NEMP1: variants seen among roughly 807,000 people sequenced by gnomAD.
NEMP1 encodes transmembrane protein 194.
Under a neutral mutation model 53.7 loss-of-function variants are expected in NEMP1, and 29 were observed. The observed-to-expected ratio is 0.54, with a 90% CI of 0.40 to 0.74. NEMP1 has a LOEUF of 0.74. Among genes scored for constraint, NEMP1 ranks in the 30% least tolerant of loss-of-function variants. The pLI, the probability that NEMP1 is intolerant of heterozygous loss-of-function variation, is 0.00. For missense variants in NEMP1, 477 were observed against 528.6 expected (o/e 0.90, Z 0.96); for synonymous variants, 193 against 192.9 (o/e 1.00, Z 0.00).
intron 1 of NEMP1, among the ~76,000 whole-genome samples, chr12:57,075,924 G>A (rs1258743004): frequency 1.3e-5 from 2 of 151,030 alleles, no homozygotes; most frequent in Non-Finnish European, 2.9e-5. Context: ...CCAACATGGC[G>A]AAATCCCACT....
chr12:57,075,850 C>G (rs1231510861), intron 1 of NEMP1, among the ~76,000 whole-genome samples: 1 of 151,740 alleles, frequency 6.6e-6, no homozygotes, highest in Non-Finnish European at 1.5e-5. Flanking sequence ...CACCTGTAAT[C>G]CCAGCACTTT....
intron 1 of NEMP1, among the ~76,000 whole-genome samples, chr12:57,076,951 G>A (rs1347491398): frequency 1.3e-5 from 2 of 149,532 alleles, no homozygotes; most frequent in African/African-American, 2.5e-5. Flanking sequence ...TACATTCTGC[G>A]GGGCGGGGCG....
rs557004117 is a variant in NEMP1 at position 57,064,842 on chromosome 12, A to G, written c.546-103T>C. ...CAGCCGAAAGATTTTAAAAGGTACA[A>G]GATTAGAGCAGTACAAGCATCAGAG... On this transcript the variant is annotated intron_variant, in intron 4 of 8. Transcript: ENST00000300128. 2.6e-5 allele frequency: 21 copies of G among 810,678 alleles called. No homozygotes were observed. The African/African-American group carries it at 3.6e-4, about 14-fold the overall frequency. 50.2% of individuals were successfully genotyped at this position (810,678 alleles called of 1,614,324 possible).
rs753618647 is a variant in NEMP1, at chr12:57,060,790, C to T, written c.1136G>A (p.Arg379Gln). 2.5e-6 allele frequency: 4 copies of T among 1,611,764 alleles called. No individual in the cohort carries two copies. Among genetic ancestry groups the T allele is most frequent in the African/African-American group, 2.7e-5 (2 of 74,722 alleles). The change falls in exon 8 of 9, where the codon CGA becomes CAA. Residue 379 changes from arginine (R) to glutamine (Q), a missense_variant. Physicochemically the swap from Arg to Gln is conservative, Grantham distance 43. Coordinates refer to ENST00000300128, the MANE Select transcript of NEMP1 (RefSeq NM_001130963.2). ...PDCSAWKTVS[R>Q]IQSPKRFADF... is the part of the protein sequence containing the mutation. ...AGTTTACCTTTTTGGAGACTGGATT[C>T]GAGAAACAGTCTTCCAAGCAGAGCA...
intron 3 of NEMP1, among the ~76,000 whole-genome samples, chr12:57,070,349 C>T (rs1408497839): frequency 1.3e-5 from 2 of 152,198 alleles, no homozygotes; most frequent in Non-Finnish European, 2.9e-5. Flanking sequence ...AGGTAGAACA[C>T]GTCTATCTGA....
At position 57,059,875 on chromosome 12, in the gene NEMP1, C is replaced by T. The variant is rs1049248746; in HGVS notation, c.*4G>A. 8.1e-6 allele frequency: 13 copies of T among 1,612,628 alleles called. No homozygotes were observed. The highest frequency in any genetic ancestry group is 1.7e-5 in the Admixed American group (1 of 59,792). On this transcript the variant is annotated 3_prime_UTR_variant, in exon 9 of 9. Transcript: ENST00000300128. The stretch of plus-strand genomic sequence containing the variant: ...CAGTCCACGTAAAGATAACTGACCA[C>T]TACCTAGGTTAGAAAGTTGTTCTGT...
Position 57,055,719 on chromosome 12 carries a change from T to C in NEMP1, c.*4160A>G, listed in dbSNP as rs2031492187. The C allele has an allele frequency of 6.6e-6, 1 of 152,234 alleles. No individual in the cohort carries two copies. The highest frequency in any genetic ancestry group is 2.4e-5 in the African/African-American group (1 of 41,456). The allele number at this position is 152,234 out of a possible 1,614,324, so 9.4% of individuals were successfully genotyped here. ...TAAAAATACATTAAGACATTGTTCT[T>C]TTTTCTTACAGAAAAGAGGGTGAAA... On this transcript the variant is annotated 3_prime_UTR_variant, in exon 9 of 9. Transcript: ENST00000300128.
At chr12:57,070,298 T>G (rs992308439) in intron 3 of NEMP1, among the ~76,000 whole-genome samples, 2 of 152,276 alleles carry the variant, frequency 1.3e-5, no homozygotes, top group African/African-American at 4.8e-5. Context: ...AATGTAGGCA[T>G]GTACACATCA....
chr12:57,081,880 C>G (rs527582550), upstream of NEMP1, among the ~76,000 whole-genome samples: 65 of 148,558 alleles, frequency 4.4e-4, no homozygotes, highest in African/African-American at 1.6e-3. Flanking sequence ...GCACTCCAGC[C>G]TGGGCGACAG....
chr12:57,072,298 G>A (rs1467137848), intron 2 of NEMP1, among the ~76,000 whole-genome samples: 1 of 152,178 alleles, frequency 6.6e-6, no homozygotes, highest in Non-Finnish European at 1.5e-5. Context: ...AAATTGGTCA[G>A]GTGTGGTGGC....
intron 1 of NEMP1, among the ~76,000 whole-genome samples, chr12:57,086,747 G>A (rs941681246): frequency 1.3e-5 from 2 of 152,120 alleles, no homozygotes; most frequent in African/African-American, 2.4e-5. Flanking sequence ...GGCCTCTGGC[G>A]GGCCCTGACA....
At chr12:57,078,396 G>A (rs537279873) in intron 1 of NEMP1, among the ~76,000 whole-genome samples, 12 of 152,056 alleles carry the variant, frequency 7.9e-5, no homozygotes, top group African/African-American at 2.9e-4. Context: ...AAGGCTTCAG[G>A]CTCCTCCCCA....
chr12:57,069,809 C>T (rs2032264758), intron 3 of NEMP1, among the ~76,000 whole-genome samples: 1 of 150,400 alleles, frequency 6.6e-6, no homozygotes, highest in Admixed American at 6.7e-5. Context: ...ATACCTCTCA[C>T]TCAGGACCAG....
rs1260023008 is a variant in NEMP1 at position 57,063,309 on chromosome 12, C to T, written c.790G>A (p.Val264Ile). 6.2e-7 allele frequency: 1 copy of T among 1,614,218 alleles called. No homozygotes were observed. Among genetic ancestry groups the T allele is most frequent in the Non-Finnish European group, 8.5e-7 (1 of 1,180,036 alleles). Residue 264 changes from valine to isoleucine, a missense_variant, in exon 7 of 9, where the codon GTA becomes ATA. Val to Ile is a conservative substitution (Grantham distance 29). Coordinates refer to ENST00000300128, the MANE Select transcript of NEMP1 (RefSeq NM_001130963.2). ...TCCAAGGGCCCATACTTGTAACATA[C>T]TGCAAAACTCATGAATCCAACTGTG... The part of the protein sequence containing the change: ...VLTVGFMSFA[V>I]CYKYGPLENE...
chr12:57,059,710 T>A lies in NEMP1; in HGVS notation c.*169A>T, dbSNP rs1006781739. ...CCACTCTCCTTCCTCAGGGATCCCA[T>A]AGAGACCTCCCATTTCCAAAGGGAG... On this transcript the variant is annotated 3_prime_UTR_variant, in exon 9 of 9. Transcript: ENST00000300128. 2 of 593,796 alleles carry A rather than the reference T, an allele frequency of 3.4e-6. No homozygotes were observed. Among genetic ancestry groups the A allele is most frequent in the Non-Finnish European group, 5.9e-6 (2 of 340,076 alleles). 36.8% of individuals were successfully genotyped at this position (593,796 alleles called of 1,614,324 possible). A position where few individuals can be genotyped will look rare whatever the true frequency, so the allele number is the denominator to read the frequency against.
chr12:57,069,177 A>C, intron 4 of NEMP1, 57 bp downstream of exon 4: 2 of 1,262,864 alleles, frequency 1.6e-6, no homozygotes, highest in Non-Finnish European at 2.2e-6. Context: ...GTTACTATAA[A>C]ACGCAGGCAG....
At chr12:57,061,997 C>CAA (rs368164040) in intron 7 of NEMP1, among the ~76,000 whole-genome samples, 1 of 147,302 alleles carries the variant, frequency 6.8e-6, no homozygotes, top group Non-Finnish European at 1.5e-5. Context: ...GACTCCATCT[C>CAA]AAAAAAAAAA....
chr12:57,062,886 A>T (rs996100311), intron 7 of NEMP1, among the ~76,000 whole-genome samples: 18 of 152,126 alleles, frequency 1.2e-4, no homozygotes, highest in African/African-American at 4.3e-4. Context: ...TGGTAACAGG[A>T]ACACATGACA....
At chr12:57,075,500 C>CAATAAATA (rs71084729) in intron 1 of NEMP1, among the ~76,000 whole-genome samples, 9,733 of 144,660 alleles carry the variant, frequency 0.067, 365 homozygotes, top group East Asian at 0.16. Flanking sequence ...ATCTCAATAT[C>CAATAAATA]AATAAATAAA....
Sources: gnomAD v4.1 joint callset for allele counts (sites outside exome capture counted in the v4.1 genomes callset) on GRCh38, gnomAD v4.1.1 for gene constraint, MANE v1.5 for transcripts, NCBI Gene and HGNC (gene_info 2026-07-23, HGNC 2026-07-21) for gene names.